Variants in HSPB8 observed in about 807,000 individuals in gnomAD.
The protein encoded by HSPB8 is heat shock protein beta-8.
In HSPB8, 9 loss-of-function variants were observed where a neutral mutation model predicts 16.5. The observed-to-expected ratio is 0.55, with a 90% CI of 0.33 to 0.95. The LOEUF is 0.95. HSPB8 is among the 40% of genes least tolerant of loss of function. HSPB8 has a pLI of 0.03. For missense variants in HSPB8, 238 were observed against 251.2 expected (o/e 0.95, Z 0.35); for synonymous variants, 99 against 94.8 (o/e 1.04, Z -0.26).
At chr12:119,181,497 A>G (rs1261152010) in intron 1 of HSPB8, among the ~76,000 whole-genome samples, 2 of 152,210 alleles carry the variant, frequency 1.3e-5, no homozygotes, top group African/African-American at 4.8e-5. Context: ...TTTGAATAGA[A>G]TGGGGGGTAG....
Position 119,194,166 on chromosome 12 carries a change from C to T in HSPB8, c.*308C>T, listed in dbSNP as rs868107302. 1 of 406,686 alleles carries T rather than the reference C, an allele frequency of 2.5e-6. No homozygotes were observed. Among genetic ancestry groups the T allele is most frequent in the Non-Finnish European group, 4.6e-6 (1 of 216,524 alleles). 25.2% of individuals were successfully genotyped at this position (406,686 alleles called of 1,614,324 possible). On this transcript the variant is annotated 3_prime_UTR_variant, in exon 3 of 3. Transcript: ENST00000281938. ...ACATAAAAGGGGACTTAACATTTCA[C>T]GTTGTATCTTACTTGCAGTGAATGC...
chr12:119,181,455 A>G (rs1223863248), intron 1 of HSPB8, among the ~76,000 whole-genome samples: 1 of 152,186 alleles, frequency 6.6e-6, no homozygotes, highest in Non-Finnish European at 1.5e-5. Flanking sequence ...ACAAACAGAT[A>G]ATGCATCTAT....
rs144662422 is a variant in HSPB8, at chr12:119,193,739, C to G, written c.472C>G (p.Leu158Val). 2 of 1,614,230 alleles carry G rather than the reference C, an allele frequency of 1.2e-6. No individual in the cohort carries two copies. Among genetic ancestry groups the G allele is most frequent in the East Asian group, 4.5e-5 (2 of 44,890 alleles). Residue 158 changes from leucine to valine, a missense_variant, in exon 3 of 3, where the codon CTT becomes GTT. Transcript: ENST00000281938. Reference sequence around the variant, plus strand: ...GGATCCTGTGACAGTATTTGCCTCACTTTCCCCAGAGGGTCTGCTGATCAT... The same window carrying G: ...GGATCCTGTGACAGTATTTGCCTCAGTTTCCCCAGAGGGTCTGCTGATCAT... The part of the protein sequence containing the change: ...EVDPVTVFAS[L>V]SPEGLLIIEA...
At chr12:119,180,278 T>C (rs1592927834) in intron 1 of HSPB8, among the ~76,000 whole-genome samples, 1 of 152,080 alleles carries the variant, frequency 6.6e-6, no homozygotes, top group Non-Finnish European at 1.5e-5. Flanking sequence ...GTGGGTACTG[T>C]TTATCTTCTT....
Position 119,179,206 on chromosome 12 carries a change from G to A in HSPB8, c.-107G>A, listed in dbSNP as rs779704770. The A allele has an allele frequency of 2.8e-5, 33 of 1,195,596 alleles. No individual in the cohort carries two copies. Among genetic ancestry groups the A allele is most frequent in the Admixed American group, 1.4e-4 (8 of 56,586 alleles). 74.1% of individuals were successfully genotyped at this position (1,195,596 alleles called of 1,614,324 possible). ...CTCCCTGCAGAAAAGCAGCATTTTC[G>A]GAAGCTGAAGAATAAGCTAGCCCAG... On this transcript the variant is annotated 5_prime_UTR_variant, in exon 1 of 3. Transcript: ENST00000281938.
intron 1 of HSPB8, among the ~76,000 whole-genome samples, chr12:119,181,809 T>C (rs1246758857): frequency 1.3e-5 from 2 of 152,182 alleles, no homozygotes; most frequent in African/African-American, 4.8e-5. Context: ...GAGACCATAA[T>C]AATATCTGTC....
chr12:119,187,231 C>G (rs184467655), intron 2 of HSPB8, 143 bp downstream of exon 2: 3 of 711,910 alleles, frequency 4.2e-6, no homozygotes, highest in African/African-American at 1.8e-5. Flanking sequence ...TCACACCTAA[C>G]GAGGAGAAAA....
rs375483506 is a variant in HSPB8, at chr12:119,187,102, A to C, written c.431+14A>C. 5.5e-5 allele frequency: 88 copies of C among 1,610,010 alleles called. No individual in the cohort carries two copies. The highest frequency in any genetic ancestry group is 7.4e-5 in the Non-Finnish European group (87 of 1,176,482). On this transcript the variant is annotated intron_variant, in intron 2 of 2. Transcript: ENST00000281938. ...AAAGAAAATCCAGTAAGTAACCTGG[A>C]GTCATGGAGCTCAGGGTGGGAGTGG...
At chr12:119,189,596 C>T (rs1954699610) in intron 2 of HSPB8, among the ~76,000 whole-genome samples, 1 of 152,066 alleles carries the variant, frequency 6.6e-6, no homozygotes, top group Non-Finnish European at 1.5e-5. Context: ...ACCTAGATCC[C>T]TCGCATGCAC....
chr12:119,187,832 C>T (rs969293057), intron 2 of HSPB8, among the ~76,000 whole-genome samples: 4 of 152,210 alleles, frequency 2.6e-5, no homozygotes, highest in Non-Finnish European at 4.4e-5. Context: ...GCTGCTTGCT[C>T]AGCCTCTGCC....
At chr12:119,179,734 C>T (rs1405556793) in intron 1 of HSPB8, 55 bp downstream of exon 1, 19 of 1,524,886 alleles carry the variant, frequency 1.2e-5, no homozygotes, top group Non-Finnish European at 1.7e-5. Flanking sequence ...TAGCCCTCAG[C>T]CCTGGGAATA....
At chr12:119,189,118 C>T (rs552226434) in intron 2 of HSPB8, among the ~76,000 whole-genome samples, 9 of 152,248 alleles carry the variant, frequency 5.9e-5, no homozygotes, top group South Asian at 2.1e-4. Context: ...CTGGCATCTC[C>T]GTGCCCCACA....
chr12:119,189,060 T>G (rs1954694721), intron 2 of HSPB8, among the ~76,000 whole-genome samples: 1 of 152,176 alleles, frequency 6.6e-6, no homozygotes, highest in South Asian at 2.1e-4. Flanking sequence ...GGACACTTCC[T>G]GATAAGGCAA....
chr12:119,183,253 A>C (rs1947795733), intron 1 of HSPB8: 1 of 152,238 alleles, frequency 6.6e-6, no homozygotes, highest in African/African-American at 2.4e-5. Context: ...GTCTCATTCA[A>C]GGAAGTGTTT....
At position 119,193,751 on chromosome 12, in the gene HSPB8, G is replaced by C. The variant is rs763980623; in HGVS notation, c.484G>C (p.Gly162Arg). The C allele has an allele frequency of 1.9e-6, 3 of 1,614,156 alleles. No individual in the cohort carries two copies. In the Admixed American group the frequency reaches 5.0e-5, roughly 27 times the overall value. ...AGTATTTGCCTCACTTTCCCCAGAG[G>C]GTCTGCTGATCATCGAAGCTCCCCA... Reference protein sequence around the residue: ...VTVFASLSPEGLLIIEAPQVP... With the variant: ...VTVFASLSPERLLIIEAPQVP... Residue 162 changes from glycine to arginine, a missense_variant, in exon 3 of 3, where the codon GGT becomes CGT. Physicochemically the swap from Gly to Arg is moderately radical, Grantham distance 125. Transcript: ENST00000281938.
Position 119,179,518 on chromosome 12 carries a change from T to A in HSPB8, c.206T>A (p.Val69Glu). ...AWPGTLRSGMVPRGPTATARF... is the reference protein window; with the variant it reads ...AWPGTLRSGMEPRGPTATARF... ...CCAGGCACCCTAAGGTCGGGCATGGTGCCCCGGGGCCCCACTGCCACCGCC... is the reference window on the plus strand; with the variant it reads ...CCAGGCACCCTAAGGTCGGGCATGGAGCCCCGGGGCCCCACTGCCACCGCC... The change falls in exon 1 of 3, where the codon GTG (valine) becomes GAG (glutamate). Residue 69 changes from valine to glutamate, a missense_variant. Val to Glu is a moderately radical substitution (Grantham distance 121, BLOSUM62 -2). Transcript: ENST00000281938. 1 of 1,613,814 alleles carries A rather than the reference T, an allele frequency of 6.2e-7. No homozygotes were observed. The highest frequency in any genetic ancestry group is 1.1e-5 in the South Asian group (1 of 91,066).
At chr12:119,184,715 A>T (rs34168259) in intron 1 of HSPB8, among the ~76,000 whole-genome samples, 14,505 of 152,264 alleles carry the variant, frequency 0.095, 919 homozygotes, top group East Asian at 0.22. Context: ...AAGTTGCATT[A>T]GTCCTCAGTT....
intron 1 of HSPB8, chr12:119,186,766 C>T: frequency 2.0e-6 from 1 of 492,204 alleles, no homozygotes; most frequent in South Asian, 2.1e-5. Flanking sequence ...CAGACTAACC[C>T]TTAATTAACT....
chr12:119,186,932 C>T, intron 1 of HSPB8, 93 bp from the exon 2 acceptor site: 2 of 1,176,876 alleles, frequency 1.7e-6, no homozygotes, highest in South Asian at 1.2e-5. Context: ...CACAGCAAGG[C>T]AGGTCCAGGG....
Sources: gnomAD v4.1 joint callset for allele counts (sites outside exome capture counted in the v4.1 genomes callset) on GRCh38, gnomAD v4.1.1 for gene constraint, MANE v1.5 for transcripts, NCBI Gene and HGNC (gene_info 2026-07-23, HGNC 2026-07-21) for gene names.